Variants in CFAP96 observed in about 807,000 individuals in gnomAD.
The protein encoded by CFAP96 is cilia-and flagella-associated protein 96.
the CFAP96 span, among the ~76,000 whole-genome samples, chr4:185,443,921 CTTTTTTTTTTTTTTTTTTTT>C: frequency 0.062 from 5,086 of 82,558 alleles, 821 homozygotes; most frequent in African/African-American, 0.13. Flanking sequence ...CTATATCTTT[CTTTTTTTTTTTTTTTTTTTT>C]TTTTTTTTTT....
chr4:185,423,388 A>G, the CFAP96 span, among the ~76,000 whole-genome samples: 13 of 152,234 alleles, frequency 8.5e-5, no homozygotes, highest in African/African-American at 3.1e-4. Context: ...TGAGGGTGGG[A>G]TATCAACTGG....
the CFAP96 span, among the ~76,000 whole-genome samples, chr4:185,419,626 T>C: frequency 1.3e-5 from 2 of 152,246 alleles, no homozygotes; most frequent in African/African-American, 4.8e-5. Flanking sequence ...CCTACTTTTT[T>C]CTTTATGGAT....
At chr4:185,447,187 T>C in the CFAP96 span, among the ~76,000 whole-genome samples, 10,081 of 35,670 alleles carry the variant, frequency 0.28, 570 homozygotes, top group Admixed American at 0.3. Flanking sequence ...ATATTTTTTC[T>C]TTTTTTTTTT....
chr4:185,418,676 T>C, the CFAP96 span: 6 of 1,614,056 alleles, frequency 3.7e-6, no homozygotes, highest in Non-Finnish European at 5.1e-6. Flanking sequence ...ATATATACAC[T>C]GAACTGTGGC....
chr4:185,416,666 T>A, the CFAP96 span, among the ~76,000 whole-genome samples: 1 of 152,110 alleles, frequency 6.6e-6, no homozygotes. Flanking sequence ...AATGACTGAT[T>A]CTCCAGCTAG....
At chr4:185,440,690 A>G in the CFAP96 span, 1 of 1,485,958 alleles carries the variant, frequency 6.7e-7, no homozygotes, top group Non-Finnish European at 9.1e-7. Context: ...AATTTCAAAT[A>G]CTTTTAAACC....
chr4:185,425,913 G>T, the CFAP96 span: 36 of 1,579,364 alleles, frequency 2.3e-5, no homozygotes, highest in Admixed American at 7.4e-5. Flanking sequence ...CTGCCCAAAA[G>T]TTCCGGGGGC....
At chr4:185,421,503 A>G in the CFAP96 span, among the ~76,000 whole-genome samples, 1 of 152,110 alleles carries the variant, frequency 6.6e-6, no homozygotes, top group Non-Finnish European at 1.5e-5. Context: ...TGATTCTTTA[A>G]AAGAGCCTGG....
chr4:185,408,582 A>G, the CFAP96 span: 12 of 837,934 alleles, frequency 1.4e-5, no homozygotes, highest in Non-Finnish European at 3.6e-6. Context: ...CTATGGTTTA[A>G]CATTATACCT....
the CFAP96 span, chr4:185,436,289 C>A: frequency 6.4e-7 from 1 of 1,550,584 alleles, no homozygotes; most frequent in Non-Finnish European, 8.7e-7. Flanking sequence ...CTTAGCTATG[C>A]AAATATTACC....
the CFAP96 span, among the ~76,000 whole-genome samples, chr4:185,414,445 T>C: frequency 6.6e-6 from 1 of 152,162 alleles, no homozygotes; most frequent in Non-Finnish European, 1.5e-5. Flanking sequence ...AAGTTTGACA[T>C]GTTCTTTATC....
chr4:185,441,581 A>G, the CFAP96 span, among the ~76,000 whole-genome samples: 1 of 151,884 alleles, frequency 6.6e-6, no homozygotes, highest in Non-Finnish European at 1.5e-5. Flanking sequence ...TTTACCACCA[A>G]TATTAGAATA....
chr4:185,410,574 G>A, the CFAP96 span, among the ~76,000 whole-genome samples: 1 of 152,012 alleles, frequency 6.6e-6, no homozygotes, highest in South Asian at 2.1e-4. Context: ...CCTGAACCAG[G>A]GAGGCAGAGG....
At chr4:185,441,412 T>A in the CFAP96 span, among the ~76,000 whole-genome samples, 1 of 151,204 alleles carries the variant, frequency 6.6e-6, no homozygotes, top group Non-Finnish European at 1.5e-5. Context: ...ATATTAAGGG[T>A]ACTAGTCTTG....
the CFAP96 span, among the ~76,000 whole-genome samples, chr4:185,443,921 CTTTTTTTTTTTTTTTTTT>C: frequency 0.059 from 4,859 of 82,236 alleles, 870 homozygotes; most frequent in South Asian, 0.1. Flanking sequence ...CTATATCTTT[CTTTTTTTTTTTTTTTTTT>C]TTTTTTTTTT....
the CFAP96 span, among the ~76,000 whole-genome samples, chr4:185,438,687 G>A: frequency 6.6e-6 from 1 of 151,874 alleles, no homozygotes; most frequent in African/African-American, 2.4e-5. Flanking sequence ...AAATATTCTC[G>A]GGCTTTTTCT....
the CFAP96 span, chr4:185,425,950 G>A: frequency 2.0e-5 from 30 of 1,516,722 alleles, no homozygotes; most frequent in South Asian, 8.4e-5. Flanking sequence ...TCACCGCACG[G>A]CCCAGGGGCG....
At chr4:185,424,547 CAA>C in the CFAP96 span, among the ~76,000 whole-genome samples, 1 of 152,174 alleles carries the variant, frequency 6.6e-6, no homozygotes, top group Non-Finnish European at 1.5e-5. Flanking sequence ...AGGAAACAAT[CAA>C]GAAAGTTCAG....
the CFAP96 span, chr4:185,418,309 G>C: frequency 1.5e-6 from 1 of 647,152 alleles, no homozygotes; most frequent in South Asian, 2.8e-5. Context: ...CTTTTGGCAA[G>C]TCATTTAATC....
Sources: gnomAD v4.1 joint callset for allele counts (sites outside exome capture counted in the v4.1 genomes callset) on GRCh38, gnomAD v4.1.1 for gene constraint, MANE v1.5 for transcripts, NCBI Gene and HGNC (gene_info 2026-07-23, HGNC 2026-07-21) for gene names.